The following UTP18 variants were observed in gnomAD, a reference collection of about 807,000 sequenced individuals.
UTP18 encodes the protein UTP18 small subunit processome component, also known as U3 small nucleolar RNA-associated protein 18 homolog.
Under a neutral mutation model 61.1 loss-of-function variants are expected in UTP18, and 36 were observed. The observed-to-expected ratio is 0.59, with a 90% CI of 0.45 to 0.78. The LOEUF (loss-of-function observed/expected upper bound fraction) is 0.78. UTP18 is among the 30% of genes least tolerant of loss of function. The pLI is 0.00. For synonymous variants in UTP18, 282 were observed against 251.1 expected (o/e 1.12, Z -1.16); for missense variants, 753 against 693.9 (o/e 1.09, Z -0.96).
At chr17:51,294,238 G>A (rs1192475278) in intron 12 of UTP18, among the ~76,000 whole-genome samples, 193 bp downstream of exon 12, 3 of 151,742 alleles carry the variant, frequency 2.0e-5, no homozygotes, top group African/African-American at 7.3e-5. Flanking sequence ...TAGGGTACAT[G>A]TGTGCACTGT....
chr17:51,261,680 A>AT (rs1164999370), intron 1 of UTP18, among the ~76,000 whole-genome samples: 1 of 152,162 alleles, frequency 6.6e-6, no homozygotes, highest in Non-Finnish European at 1.5e-5. Flanking sequence ...TGTTGGTGAC[A>AT]AGTGCTGAAG....
chr17:51,291,620 A>G (rs148608355), intron 11 of UTP18, among the ~76,000 whole-genome samples: 4,502 of 152,170 alleles, frequency 0.03, 85 homozygotes, highest in Admixed American at 0.032. Context: ...CTGTAATCCC[A>G]GCTACTCAGG....
intron 4 of UTP18, 122 bp downstream of exon 4, chr17:51,269,026 C>G: frequency 1.1e-6 from 1 of 943,514 alleles, no homozygotes; most frequent in Non-Finnish European, 1.6e-6. Context: ...GTAGCTCACG[C>G]CTGTCATCCC....
chr17:51,276,787 ACTC>A (rs1428272509), intron 6 of UTP18, among the ~76,000 whole-genome samples: 1 of 152,128 alleles, frequency 6.6e-6, no homozygotes, highest in African/African-American at 2.4e-5. Flanking sequence ...GATGGGACTG[ACTC>A]TTATCTCCTT....
intron 10 of UTP18, among the ~76,000 whole-genome samples, chr17:51,287,265 A>AC (rs1905143294): frequency 6.6e-6 from 1 of 152,236 alleles, no homozygotes; most frequent in African/African-American, 2.4e-5. Context: ...TTGGCCAACA[A>AC]CCATTTAAGC....
At chr17:51,269,838 A>ATT (rs1490857527) in intron 4 of UTP18, among the ~76,000 whole-genome samples, 10 of 115,212 alleles carry the variant, frequency 8.7e-5, no homozygotes, top group East Asian at 3.0e-4. Context: ...CAAATAATGT[A>ATT]TTGTGTGTGT....
At chr17:51,263,456 C>A in intron 2 of UTP18, 70 bp downstream of exon 2, 3 of 1,147,256 alleles carry the variant, frequency 2.6e-6, no homozygotes, top group South Asian at 1.4e-5. Flanking sequence ...ATTTTAAAAT[C>A]ATTCTTTTTA....
chr17:51,268,221 T>A (rs1453561389), intron 3 of UTP18, among the ~76,000 whole-genome samples: 2 of 152,068 alleles, frequency 1.3e-5, no homozygotes, highest in East Asian at 3.9e-4. Flanking sequence ...AGAGACGGGG[T>A]TTCACCATGT....
chr17:51,266,314 G>T (rs2055560697), intron 3 of UTP18, 34 bp downstream of exon 3: 3 of 1,502,802 alleles, frequency 2.0e-6, no homozygotes, highest in Non-Finnish European at 1.8e-6. Context: ...TTACCAAGAG[G>T]TGTATGTAAC....
chr17:51,286,539 G>A (rs777379209), intron 10 of UTP18: 4 of 456,166 alleles, frequency 8.8e-6, no homozygotes, highest in Non-Finnish European at 1.8e-5. Context: ...GCAAATTGGA[G>A]TTTGGGAGGA....
intron 5 of UTP18, among the ~76,000 whole-genome samples, chr17:51,274,142 C>T (rs560452185): frequency 1.3e-5 from 2 of 152,296 alleles, no homozygotes; most frequent in Admixed American, 1.3e-4. Flanking sequence ...CTGCTAGGTC[C>T]TTTCTTGCCT....
Position 51,275,918 on chromosome 17 carries a change from C to T in UTP18, c.764C>T (p.Ser255Leu). 1.2e-6 allele frequency: 2 copies of T among 1,613,026 alleles called. No individual in the cohort carries two copies. The highest frequency in any genetic ancestry group is 1.7e-6 in the Non-Finnish European group (2 of 1,179,632). ...NAERPTVARI[S>L]SVQFHPGAQI... ...GAACGTCCTACTGTTGCTCGGATCT[C>T]ATCTGTGCAGTTCCATCCCGGTGCA... is the stretch of plus-strand genomic sequence containing the variant. Residue 255 changes from serine (S) to leucine (L), a missense_variant, in exon 6 of 14, where the codon TCA (serine) becomes TTA (leucine). Ser to Leu is a moderately radical substitution (Grantham distance 145). Transcript: ENST00000225298.
Position 51,283,029 on chromosome 17 carries a change from C to T in UTP18, c.1205-2216C>T, listed in dbSNP as rs1453596141. On this transcript the variant is annotated intron_variant, in intron 9 of 13. Transcript: ENST00000225298. ...AATTACAGGCGCATACCGCCATACC[C>T]AGCTAATTTTTTGTATTTTAGTAGA... Among the ~76,000 whole-genome samples the T allele has an allele frequency of 6.6e-5, 10 of 151,020 alleles. No individual in the cohort carries two copies. The East Asian group carries it at 9.8e-4, about 15-fold the overall frequency.
At chr17:51,262,133 G>A (rs1196050236) in intron 1 of UTP18, among the ~76,000 whole-genome samples, 1 of 151,698 alleles carries the variant, frequency 6.6e-6, no homozygotes, top group Non-Finnish European at 1.5e-5. Flanking sequence ...CCAGGCTGGA[G>A]TGCAGTGGCG....
At chr17:51,265,711 G>C (rs911830335) in intron 2 of UTP18, among the ~76,000 whole-genome samples, 1 of 151,458 alleles carries the variant, frequency 6.6e-6, no homozygotes, top group African/African-American at 2.4e-5. Flanking sequence ...TTACAGGTGT[G>C]TGCCACCCCG....
intron 1 of UTP18, among the ~76,000 whole-genome samples, chr17:51,261,618 T>C (rs2055486263): frequency 6.6e-6 from 1 of 152,088 alleles, no homozygotes; most frequent in Admixed American, 6.6e-5. Flanking sequence ...TTGGCGCTTG[T>C]GTGCTAGTGG....
chr17:51,270,357 C>T lies in UTP18; in HGVS notation c.622+1453C>T, dbSNP rs141104008. Among the ~76,000 whole-genome samples the T allele has an allele frequency of 4.6e-5, 7 of 152,094 alleles. No homozygotes were observed. The East Asian group carries it at 7.7e-4, about 17-fold the overall frequency. On this transcript the variant is annotated intron_variant, in intron 4 of 13. Transcript: ENST00000225298. ...GTTATTTTGACCATTTTTTTGGTGG[C>T]GTACTTCTAGACCCTAGATCACCAG...
At chr17:51,267,108 G>C (rs565642478) in intron 3 of UTP18, among the ~76,000 whole-genome samples, 37 of 152,248 alleles carry the variant, frequency 2.4e-4, no homozygotes, top group Non-Finnish European at 5.1e-4. Flanking sequence ...GACTGCAGGT[G>C]TGTGCCACCA....
At chr17:51,283,148 C>T (rs9891795) in intron 9 of UTP18, among the ~76,000 whole-genome samples, 3,484 of 149,860 alleles carry the variant, frequency 0.023, 130 homozygotes, top group African/African-American at 0.079. Flanking sequence ...GGATTACAGG[C>T]GTGAGCCACC....
Sources: allele counts gnomAD v4.1 joint callset (sites outside exome capture counted in the v4.1 genomes callset), GRCh38; gene constraint gnomAD v4.1.1; transcripts MANE v1.5; gene names NCBI Gene and HGNC (gene_info 2026-07-23, HGNC 2026-07-21).